PABPC3: variants seen among roughly 807,000 people sequenced by gnomAD.
PABPC3 encodes polyadenylate-binding protein 3.
In PABPC3, 43 loss-of-function variants were observed where a neutral mutation model predicts 43.0. That is an observed-to-expected ratio of 1.00 (90% confidence interval 0.78 to 1.29). The LOEUF (loss-of-function observed/expected upper bound fraction) is 1.29. PABPC3 is among the 50% of genes most tolerant of loss of function. The pLI is 0.00. For synonymous variants in PABPC3, 221 were observed against 274.6 expected (o/e 0.80, Z 1.93); for missense variants, 784 against 798.1 (o/e 0.98, Z 0.21).
chr13:25,097,290 T>G, the PABPC3 span: 1 of 1,614,290 alleles, frequency 6.2e-7, no homozygotes. Flanking sequence ...AGCCATTGTA[T>G]GTAGCTTTAG....
chr13:25,098,986 T>C lies in PABPC3; in HGVS notation c.*892T>C. 6.0e-6 allele frequency: 1 copy of C among 166,902 alleles called. No homozygotes were observed. Among genetic ancestry groups the C allele is most frequent in the East Asian group, 1.9e-4 (1 of 5,206 alleles). 10.3% of individuals were successfully genotyped at this position (166,902 alleles called of 1,614,324 possible). A position where few individuals can be genotyped will look rare whatever the true frequency, so the allele number is the denominator to read the frequency against. On this transcript the variant is annotated 3_prime_UTR_variant, in exon 1 of 1. Transcript: ENST00000281589. ...CAATTTTGTAATTTAACTATTGACT[T>C]CCTGCTGTAACAAATAAGGATATGT...
Position 25,098,680 on chromosome 13 carries a change from AC to A in PABPC3, c.*587del, listed in dbSNP as rs1393854637. ...TTTTTCACCAAAATTTTAGGTCTTT[AC>A]ATAATAGTGTTTATTTTTAATATTC... On this transcript the variant is annotated 3_prime_UTR_variant, in exon 1 of 1. Coordinates refer to ENST00000281589, the MANE Select transcript of PABPC3 (RefSeq NM_030979.3). 6.0e-6 allele frequency: 1 copy of A among 166,872 alleles called. No homozygotes were observed. Among genetic ancestry groups the A allele is most frequent in the Non-Finnish European group, 1.5e-5 (1 of 68,098 alleles). The allele number at this position is 166,872 out of a possible 1,614,324, so 10.3% of individuals were successfully genotyped here. A position where few individuals can be genotyped will look rare whatever the true frequency, so the allele number is the denominator to read the frequency against.
chr13:25,097,660 C>CCTGCAGCTGCTGCTGCTG lies in PABPC3; in HGVS notation c.1471_1488dup (p.Ala491_Ala496dup). 1.2e-6 allele frequency: 2 copies of CCTGCAGCTGCTGCTGCTG among 1,614,110 alleles called. No individual in the cohort carries two copies. Among genetic ancestry groups the CCTGCAGCTGCTGCTGCTG allele is most frequent in the Non-Finnish European group, 1.7e-6 (2 of 1,179,932 alleles). Reference sequence around the variant, plus strand: ...ATCAACACAGACAGTGGGTCCACGTCCTGCAGCTGCTGCTGCTGCTGCAGC... The same window carrying CCTGCAGCTGCTGCTGCTG: ...ATCAACACAGACAGTGGGTCCACGTCCTGCAGCTGCTGCTGCTGCTGCAGCTGCTGCTGCTGCTGCAGC... On this transcript the variant is annotated inframe_insertion, in exon 1 of 1. Transcript: ENST00000281589.
In PABPC3 at chr13:25,097,959, ACTT is replaced by A. The variant is rs1338980796; in HGVS notation, c.1765_1767del (p.Leu589del). 3.7e-6 allele frequency: 6 copies of A among 1,613,834 alleles called. No individual in the cohort carries two copies. The highest frequency in any genetic ancestry group is 1.7e-5 in the Admixed American group (1 of 59,992). On this transcript the variant is annotated inframe_deletion, in exon 1 of 1. Coordinates refer to ENST00000281589, the MANE Select transcript of PABPC3 (RefSeq NM_030979.3). ...TGTTGTTGGAGATTGATAATTCAGA[ACTT>A]CTTTATATGCTCGAGTCTCCAGAGT...
chr13:25,097,543 C>A lies in PABPC3; in HGVS notation c.1345C>A (p.Arg449Ser), dbSNP rs757094770. The change falls in exon 1 of 1, where the codon CGC (arginine) becomes AGC (serine). Residue 449 changes from arginine (R) to serine (S), a missense_variant. Coordinates refer to ENST00000281589, the MANE Select transcript of PABPC3 (RefSeq NM_030979.3). ...ATTCCAAAATAAGCCCAGTGCTATC[C>A]GCCCAGGTGCTCCTAGAGTACCATT... ...HPFQNKPSAIRPGAPRVPFST... is the reference protein window; with the variant it reads ...HPFQNKPSAISPGAPRVPFST... The A allele has an allele frequency of 1.9e-6, 3 of 1,613,960 alleles. No individual in the cohort carries two copies. In the African/African-American group the frequency reaches 4.0e-5, roughly 22 times the overall value.
At position 25,097,555 on chromosome 13, in the gene PABPC3, C is replaced by T. The variant is rs145147510; in HGVS notation, c.1357C>T (p.Pro453Ser). The T allele has an allele frequency of 4.3e-6, 7 of 1,614,076 alleles. No homozygotes were observed. The highest frequency in any genetic ancestry group is 1.6e-4 in the Middle Eastern group (1 of 6,084). ...NKPSAIRPGAPRVPFSTMRPA... is the reference protein window; with the variant it reads ...NKPSAIRPGASRVPFSTMRPA... ...GCCCAGTGCTATCCGCCCAGGTGCT[C>T]CTAGAGTACCATTTAGTACTATGAG... The change falls in exon 1 of 1, where the codon CCT (proline) becomes TCT (serine). Residue 453 changes from proline to serine, a missense_variant. Coordinates refer to ENST00000281589, the MANE Select transcript of PABPC3 (RefSeq NM_030979.3).
At position 25,096,635 on chromosome 13, in the gene PABPC3, A is replaced by G. The variant is rs781333380; in HGVS notation, c.437A>G (p.Glu146Gly). The change falls in exon 1 of 1, where the codon GAG (glutamate) becomes GGG (glycine). Residue 146 changes from glutamate (E) to glycine (G), a missense_variant. By Grantham distance (98) the Glu-to-Gly change is moderately conservative. Coordinates refer to ENST00000281589, the MANE Select transcript of PABPC3 (RefSeq NM_030979.3). Reference protein sequence around the residue: ...GSKGYGFVHFETHEAAERAIK... With the variant: ...GSKGYGFVHFGTHEAAERAIK... ...AAGGGTTATGGATTTGTACACTTTG[A>G]GACACACGAAGCAGCTGAAAGAGCT... The G allele has an allele frequency of 4.3e-6, 7 of 1,614,150 alleles. No individual in the cohort carries two copies. The Admixed American group carries it at 6.7e-5, about 15-fold the overall frequency.
rs1275382405 is a variant in PABPC3, at chr13:25,098,852, T to C, written c.*758T>C. On this transcript the variant is annotated 3_prime_UTR_variant, in exon 1 of 1. Coordinates refer to ENST00000281589, the MANE Select transcript of PABPC3 (RefSeq NM_030979.3). ...TTAAAAATCTAATTGAACAGGAGGC[T>C]AAACATGGTTCTGATCACAGAGATA... 3.0e-5 allele frequency: 5 copies of C among 166,918 alleles called. No homozygotes were observed. Among genetic ancestry groups the C allele is most frequent in the Non-Finnish European group, 5.9e-5 (4 of 68,062 alleles). 10.3% of individuals were successfully genotyped at this position (166,918 alleles called of 1,614,324 possible).
chr13:25,098,165 G>A lies in PABPC3; in HGVS notation c.*71G>A. 7.1e-7 allele frequency: 1 copy of A among 1,399,010 alleles called. No individual in the cohort carries two copies. The highest frequency in any genetic ancestry group is 9.9e-7 in the Non-Finnish European group (1 of 1,013,202). 86.7% of individuals were successfully genotyped at this position (1,399,010 alleles called of 1,614,324 possible). A position where few individuals can be genotyped will look rare whatever the true frequency, so the allele number is the denominator to read the frequency against. On this transcript the variant is annotated 3_prime_UTR_variant, in exon 1 of 1. Transcript: ENST00000281589. ...AAATATCTAAACATCGAGAAACTATGGGAAAAAAAATTGCAAAATCTAAAA... is the reference window on the plus strand; with the variant it reads ...AAATATCTAAACATCGAGAAACTATAGGAAAAAAAATTGCAAAATCTAAAA...
At position 25,096,965 on chromosome 13, in the gene PABPC3, T is replaced by G. The variant is rs1956043066; in HGVS notation, c.767T>G (p.Leu256Arg). 3.1e-6 allele frequency: 5 copies of G among 1,614,110 alleles called. No homozygotes were observed. Among genetic ancestry groups the G allele is most frequent in the African/African-American group, 1.3e-5 (1 of 74,946 alleles). The change falls in exon 1 of 1, where the codon CTC (leucine) becomes CGC (arginine). Residue 256 changes from leucine to arginine, a missense_variant. Coordinates refer to ENST00000281589, the MANE Select transcript of PABPC3 (RefSeq NM_030979.3). The stretch of plus-strand genomic sequence containing the variant: ...GTAGATGAGATGAATGGAAAGGAGC[T>G]CAATGGAAAACAAATTTACGTTGGT... ...KAVDEMNGKE[L>R]NGKQIYVGRA...
rs1208850225 is a variant in PABPC3 at position 25,097,066 on chromosome 13, A to G, written c.868A>G (p.Arg290Gly). ...FEQMKQDRIT[R>G]YQVVNLYVKN... is the part of the protein sequence containing the mutation. Reference sequence around the variant, plus strand: ...ACAGATGAAGCAAGATAGGATCACCAGATACCAGGTTGTTAATCTTTATGT... The same window carrying G: ...ACAGATGAAGCAAGATAGGATCACCGGATACCAGGTTGTTAATCTTTATGT... The change falls in exon 1 of 1, where the codon AGA becomes GGA. Residue 290 changes from arginine (R) to glycine (G), a missense_variant. Coordinates refer to ENST00000281589, the MANE Select transcript of PABPC3 (RefSeq NM_030979.3). 2.5e-6 allele frequency: 4 copies of G among 1,614,166 alleles called. No homozygotes were observed. Among genetic ancestry groups the G allele is most frequent in the African/African-American group, 1.3e-5 (1 of 74,968 alleles).
rs1474371330 is a variant in PABPC3, at chr13:25,098,129, T to G, written c.*35T>G. 6.4e-7 allele frequency: 1 copy of G among 1,563,402 alleles called. No individual in the cohort carries two copies. Among genetic ancestry groups the G allele is most frequent in the Non-Finnish European group, 8.8e-7 (1 of 1,142,688 alleles). On this transcript the variant is annotated 3_prime_UTR_variant, in exon 1 of 1. Coordinates refer to ENST00000281589, the MANE Select transcript of PABPC3 (RefSeq NM_030979.3). Reference sequence around the variant, plus strand: ...GAGACCACGAAAAGAAATTTGTGCTTCACCGAAGAAAAATATCTAAACATC... The same window carrying G: ...GAGACCACGAAAAGAAATTTGTGCTGCACCGAAGAAAAATATCTAAACATC...
At position 25,097,755 on chromosome 13, in the gene PABPC3, T is replaced by C. The variant is rs776950551; in HGVS notation, c.1557T>C (p.Arg519=). 1.2e-4 allele frequency: 191 copies of C among 1,614,036 alleles called. No homozygotes were observed. The highest frequency in any genetic ancestry group is 1.6e-4 in the Non-Finnish European group (184 of 1,180,028). Residue 519 remains arginine (R), a synonymous_variant, in exon 1 of 1, where the codon CGT becomes CGC. Coordinates refer to ENST00000281589, the MANE Select transcript of PABPC3 (RefSeq NM_030979.3). ...GAGTTCGCAATCCTCAGCAACATCGTAATGCACAGCCACAAGTTACAATGC... is the reference window on the plus strand; with the variant it reads ...GAGTTCGCAATCCTCAGCAACATCGCAATGCACAGCCACAAGTTACAATGC... ...AAGVRNPQQH[R]NAQPQVTMQQ... is the part of the protein sequence containing the mutation.
chr13:25,096,307 A>G lies in PABPC3; in HGVS notation c.109A>G (p.Ile37Val). 1.2e-6 allele frequency: 2 copies of G among 1,614,224 alleles called. No homozygotes were observed. Among genetic ancestry groups the G allele is most frequent in the South Asian group, 1.1e-5 (1 of 91,088 alleles). ...LYEKFSPAGPILSIRICRDLI... is the reference protein window; with the variant it reads ...LYEKFSPAGPVLSIRICRDLI... ...CGAGAAGTTCAGCCCGGCAGGGCCCATCCTCTCCATCCGGATCTGCAGGGA... is the reference window on the plus strand; with the variant it reads ...CGAGAAGTTCAGCCCGGCAGGGCCCGTCCTCTCCATCCGGATCTGCAGGGA... The change falls in exon 1 of 1, where the codon ATC (isoleucine) becomes GTC (valine). Residue 37 changes from isoleucine to valine, a missense_variant. By Grantham distance (29) the Ile-to-Val change is conservative. Coordinates refer to ENST00000281589, the MANE Select transcript of PABPC3 (RefSeq NM_030979.3).
chr13:25,096,773 A>G lies in PABPC3; in HGVS notation c.575A>G (p.Asn192Ser), dbSNP rs377582995. The change falls in exon 1 of 1, where the codon AAT (asparagine) becomes AGT (serine). Residue 192 changes from asparagine (N) to serine (S), a missense_variant. Physicochemically the swap from Asn to Ser is conservative, Grantham distance 46 (BLOSUM62 1). Coordinates refer to ENST00000281589, the MANE Select transcript of PABPC3 (RefSeq NM_030979.3). ...ELGARAKEFP[N>S]VYIKNFGEDM... ...GGAGCTAGGGCAAAAGAGTTCCCCA[A>G]TGTTTACATCAAGAATTTTGGAGAA... The G allele has an allele frequency of 7.2e-5, 116 of 1,614,298 alleles. No homozygotes were observed. The highest frequency in any genetic ancestry group is 9.4e-5 in the Non-Finnish European group (111 of 1,180,048).
In PABPC3 at chr13:25,097,956, A is replaced by G; in HGVS notation, c.1758A>G (p.Ser586=). ...ITGMLLEIDN[S]ELLYMLESPE... ...GCATGTTGTTGGAGATTGATAATTC[A>G]GAACTTCTTTATATGCTCGAGTCTC... The change falls in exon 1 of 1, where the codon TCA becomes TCG. Residue 586 remains serine (S), a synonymous_variant. Coordinates refer to ENST00000281589, the MANE Select transcript of PABPC3 (RefSeq NM_030979.3). 6.2e-7 allele frequency: 1 copy of G among 1,614,040 alleles called. No homozygotes were observed. Among genetic ancestry groups the G allele is most frequent in the South Asian group, 1.1e-5 (1 of 91,082 alleles).
At position 25,097,908 on chromosome 13, in the gene PABPC3, T is replaced by C. The variant is rs1956055113; in HGVS notation, c.1710T>C (p.Pro570=). 1.2e-6 allele frequency: 2 copies of C among 1,613,904 alleles called. No individual in the cohort carries two copies. Among genetic ancestry groups the C allele is most frequent in the Non-Finnish European group, 1.7e-6 (2 of 1,179,884 alleles). The change falls in exon 1 of 1, where the codon CCT becomes CCC. Residue 570 remains proline (P), a synonymous_variant. Coordinates refer to ENST00000281589, the MANE Select transcript of PABPC3 (RefSeq NM_030979.3). ...TTCCTCTTATTCAAGCCATGCACCC[T>C]ACTCTTGCTGGGAAAATCACTGGCA... is the stretch of plus-strand genomic sequence containing the variant. ...RLFPLIQAMH[P]TLAGKITGML... is the part of the protein sequence containing the mutation.
Position 25,098,109 on chromosome 13 carries a change from C to G in PABPC3, c.*15C>G. On this transcript the variant is annotated 3_prime_UTR_variant, in exon 1 of 1. Transcript: ENST00000281589. ...CAACTGTTTAAAATTGATCAGAGAC[C>G]ACGAAAAGAAATTTGTGCTTCACCG... is the stretch of plus-strand genomic sequence containing the variant. 6.2e-7 allele frequency: 1 copy of G among 1,601,126 alleles called. No individual in the cohort carries two copies. Among genetic ancestry groups the G allele is most frequent in the African/African-American group, 1.3e-5 (1 of 74,612 alleles).
At position 25,098,079 on chromosome 13, in the gene PABPC3, T is replaced by C. The variant is rs1272519986; in HGVS notation, c.1881T>C (p.Gly627=). 6.8e-6 allele frequency: 11 copies of C among 1,613,692 alleles called. No homozygotes were observed. In the Middle Eastern group the frequency reaches 1.2e-3, roughly 170 times the overall value. ...ATQKAVNSAT[G]VPTV is the part of the protein sequence containing the mutation. Reference sequence around the variant, plus strand: ...AGAAAGCAGTTAACAGTGCTACCGGTGTTCCAACTGTTTAAAATTGATCAG... The same window carrying C: ...AGAAAGCAGTTAACAGTGCTACCGGCGTTCCAACTGTTTAAAATTGATCAG... Residue 627 remains glycine (G), a synonymous_variant, in exon 1 of 1, where the codon GGT becomes GGC. Transcript: ENST00000281589.
Sources: allele counts gnomAD v4.1 joint callset, GRCh38; gene constraint gnomAD v4.1.1; transcripts MANE v1.5; gene names NCBI Gene and HGNC (gene_info 2026-07-23, HGNC 2026-07-21).